The following TPD52L1 variants were observed in gnomAD, a reference collection of about 807,000 sequenced individuals.
TPD52L1 encodes the protein tumor protein D53.
In TPD52L1, 18 loss-of-function variants were observed where a neutral mutation model predicts 28.7. That is an observed-to-expected ratio of 0.63 (90% CI 0.43 to 0.93). The LOEUF is 0.93. Among genes scored for constraint, TPD52L1 ranks in the 40% least tolerant of loss-of-function variants. The probability of loss-of-function intolerance (pLI) is 0.00; values close to 1 mark genes in which losing one functional copy is unlikely to be tolerated. For synonymous variants in TPD52L1, 75 were observed against 88.8 expected, an observed-to-expected ratio of 0.84 and a Z score of 0.88; for missense variants, 203 against 254.8, an observed-to-expected ratio of 0.80 and a Z score of 1.39.
intron 1 of TPD52L1, among the ~76,000 whole-genome samples, chr6:125,164,667 A>C (rs1402921413): frequency 2.6e-5 from 4 of 152,150 alleles, no homozygotes; most frequent in African/African-American, 9.7e-5. Flanking sequence ...GTTTACACGA[A>C]TATGTTTTAT....
At chr6:125,237,108 A>C (rs1334621649) in intron 3 of TPD52L1, among the ~76,000 whole-genome samples, 1 of 152,122 alleles carries the variant, frequency 6.6e-6, no homozygotes, top group East Asian at 1.9e-4. Flanking sequence ...GTAAGAAGAA[A>C]TGAGAGGGGA....
intron 1 of TPD52L1, among the ~76,000 whole-genome samples, chr6:125,160,423 C>T (rs538402448): frequency 6.6e-6 from 1 of 152,258 alleles, no homozygotes; most frequent in South Asian, 2.1e-4. Context: ...ACAGTGGGAT[C>T]ATCATAGCTC....
At chr6:125,246,920 T>G (rs1408507401) in intron 3 of TPD52L1, among the ~76,000 whole-genome samples, 2 of 152,016 alleles carry the variant, frequency 1.3e-5, no homozygotes, top group Non-Finnish European at 2.9e-5. Flanking sequence ...ATGTATGTTT[T>G]TATACTTCCT....
intron 5 of TPD52L1, among the ~76,000 whole-genome samples, chr6:125,256,023 A>G (rs1797573514): frequency 6.6e-6 from 1 of 152,176 alleles, no homozygotes; most frequent in South Asian, 2.1e-4. Context: ...TTATGTATAG[A>G]TTATTTAATA....
At chr6:125,256,397 G>A (rs769130738) in intron 5 of TPD52L1, among the ~76,000 whole-genome samples, 8 of 152,250 alleles carry the variant, frequency 5.3e-5, no homozygotes, top group Middle Eastern at 6.8e-3. Context: ...TTTGGTAAGA[G>A]AACAAGTAGG....
At chr6:125,229,542 T>A (rs1027620288) in intron 3 of TPD52L1, among the ~76,000 whole-genome samples, 10 of 152,220 alleles carry the variant, frequency 6.6e-5, no homozygotes, top group African/African-American at 2.2e-4. Context: ...TAAATGTTTT[T>A]CTCTTTATAT....
chr6:125,154,937 G>GAAA (rs372603840), intron 1 of TPD52L1, among the ~76,000 whole-genome samples: 1 of 145,716 alleles, frequency 6.9e-6, no homozygotes, highest in Non-Finnish European at 1.5e-5. Context: ...TCATTAAAAA[G>GAAA]AAAAAAAAAA....
At chr6:125,224,812 AC>A (rs1395450405) in intron 2 of TPD52L1, among the ~76,000 whole-genome samples, 5 of 152,240 alleles carry the variant, frequency 3.3e-5, no homozygotes, top group Admixed American at 3.3e-4. Flanking sequence ...TAAATTTCAT[AC>A]TGAAGCTAAT....
intron 3 of TPD52L1, among the ~76,000 whole-genome samples, chr6:125,230,850 G>GT (rs1171102675): frequency 6.6e-6 from 1 of 152,160 alleles, no homozygotes; most frequent in East Asian, 1.9e-4. Flanking sequence ...GAGCTTGTCA[G>GT]TTTATCTCCA....
At chr6:125,232,918 G>C (rs1208381227) in intron 3 of TPD52L1, among the ~76,000 whole-genome samples, 2 of 151,910 alleles carry the variant, frequency 1.3e-5, no homozygotes, top group African/African-American at 4.8e-5. Flanking sequence ...TTGGTTTTCT[G>C]CTGCCTTTTT....
chr6:125,216,306 A>G (rs1393504217), intron 1 of TPD52L1, among the ~76,000 whole-genome samples: 1 of 151,972 alleles, frequency 6.6e-6, no homozygotes, highest in African/African-American at 2.4e-5. Context: ...GAGAAATCCA[A>G]TGGATAGGAA....
intron 1 of TPD52L1, among the ~76,000 whole-genome samples, chr6:125,196,869 T>C (rs143733936): frequency 7.2e-4 from 109 of 152,284 alleles, no homozygotes; most frequent in African/African-American, 2.6e-3. Context: ...AGATCCAGCA[T>C]TGGAATTCCT....
intron 2 of TPD52L1, among the ~76,000 whole-genome samples, chr6:125,221,309 G>A (rs868278196): frequency 6.6e-6 from 1 of 152,180 alleles, no homozygotes; most frequent in Non-Finnish European, 1.5e-5. Context: ...GTACCAGAGT[G>A]CACAGACCAA....
intron 1 of TPD52L1, among the ~76,000 whole-genome samples, chr6:125,160,548 C>T (rs545108547): frequency 2.0e-5 from 3 of 151,990 alleles, no homozygotes; most frequent in Non-Finnish European, 4.4e-5. Context: ...TTCATAAGGG[C>T]CTTAGAACTT....
At chr6:125,244,120 G>T (rs911479936) in intron 3 of TPD52L1, among the ~76,000 whole-genome samples, 3 of 152,100 alleles carry the variant, frequency 2.0e-5, no homozygotes, top group Admixed American at 6.5e-5. Context: ...CCCTTATGCT[G>T]TTTGTAGTTG....
chr6:125,199,473 G>C (rs978865683), intron 1 of TPD52L1, among the ~76,000 whole-genome samples: 4 of 152,152 alleles, frequency 2.6e-5, no homozygotes, highest in Non-Finnish European at 5.9e-5. Context: ...ATCACCTGAG[G>C]TCAGGAGTTC....
intron 4 of TPD52L1, chr6:125,252,081 C>A (rs1797307576): frequency 1.3e-6 from 2 of 1,535,304 alleles, no homozygotes; most frequent in Non-Finnish European, 1.7e-6. Context: ...CACTCCCTTG[C>A]TGCCCCTTTG....
Position 125,213,573 on chromosome 6 carries a change from C to T in TPD52L1, c.20-6505C>T, listed in dbSNP as rs74484864. Among the ~76,000 whole-genome samples the T allele has an allele frequency of 4.2e-3, 645 of 152,248 alleles. 6 individuals are homozygous for T. The highest frequency in any genetic ancestry group is 0.014 in the African/African-American group (593 of 41,548). On this transcript the variant is annotated intron_variant, in intron 1 of 6. Transcript: ENST00000534000. ...TTTGTCCTCTGGCCAGGGCTGGTAA[C>T]CCCAGCCCCTGATGCAGGAGCACCA... is the stretch of plus-strand genomic sequence containing the variant.
intron 4 of TPD52L1, among the ~76,000 whole-genome samples, chr6:125,249,512 C>T (rs969697792): frequency 2.6e-5 from 4 of 151,324 alleles, no homozygotes; most frequent in Non-Finnish European, 5.9e-5. Flanking sequence ...GACCCTGTCT[C>T]CATTAAAAAA....
Sources: gnomAD v4.1 joint callset for allele counts (sites outside exome capture counted in the v4.1 genomes callset) on GRCh38, gnomAD v4.1.1 for gene constraint, MANE v1.5 for transcripts, NCBI Gene and HGNC (gene_info 2026-07-23, HGNC 2026-07-21) for gene names.